Variants in GRIA1 observed in about 807,000 individuals in gnomAD.
GRIA1 encodes the protein glutamate ionotropic receptor AMPA type subunit 1.
Under a neutral mutation model 99.2 loss-of-function variants are expected in GRIA1, and 31 were observed. That is an observed-to-expected ratio of 0.31 (90% CI 0.23 to 0.42). The LOEUF is 0.42. Among genes scored for constraint, GRIA1 ranks in the 10% least tolerant of loss-of-function variants. GRIA1 has a pLI of 1.00. For synonymous variants in GRIA1, 438 were observed against 432.4 expected (o/e 1.01, Z -0.16); for missense variants, 782 against 1,157.5 (o/e 0.68, Z 4.71).
chr5:153,765,853 G>T (rs1296510767), intron 12 of GRIA1, among the ~76,000 whole-genome samples: 1 of 152,198 alleles, frequency 6.6e-6, no homozygotes, highest in Non-Finnish European at 1.5e-5. Context: ...ATAGCTCAGA[G>T]TTAGGATAGG....
chr5:153,654,809 C>T (rs1266174628), intron 4 of GRIA1, among the ~76,000 whole-genome samples: 1 of 151,984 alleles, frequency 6.6e-6, no homozygotes, highest in African/African-American at 2.4e-5. Context: ...GTACACTAAC[C>T]CCAATTTGAT....
intron 11 of GRIA1, among the ~76,000 whole-genome samples, chr5:153,737,035 G>A (rs1390031149): frequency 6.6e-6 from 1 of 152,072 alleles, no homozygotes; most frequent in African/African-American, 2.4e-5. Flanking sequence ...TAAAATATGT[G>A]GAAGAACAAA....
At chr5:153,575,699 C>T (rs1208026567) in intron 2 of GRIA1, among the ~76,000 whole-genome samples, 1 of 152,206 alleles carries the variant, frequency 6.6e-6, no homozygotes, top group Non-Finnish European at 1.5e-5. Flanking sequence ...ACCAAGTCTC[C>T]TGTGGCCTTT....
At chr5:153,612,701 C>T (rs1184436947) in intron 2 of GRIA1, among the ~76,000 whole-genome samples, 4 of 152,120 alleles carry the variant, frequency 2.6e-5, no homozygotes, top group South Asian at 4.1e-4. Flanking sequence ...TTGCATAATC[C>T]GTAAGGGACT....
At chr5:153,621,294 A>C (rs999326035) in intron 2 of GRIA1, among the ~76,000 whole-genome samples, 3 of 152,174 alleles carry the variant, frequency 2.0e-5, no homozygotes, top group Non-Finnish European at 4.4e-5. Context: ...AAACATCAGT[A>C]ACCATCTGAA....
At chr5:153,752,046 T>C (rs747759239) in intron 11 of GRIA1, among the ~76,000 whole-genome samples, 5 of 152,140 alleles carry the variant, frequency 3.3e-5, no homozygotes, top group African/African-American at 4.8e-5. Flanking sequence ...TTTTCACCCA[T>C]CATCATCATT....
At chr5:153,497,211 C>A (rs867473581) in intron 2 of GRIA1, among the ~76,000 whole-genome samples, 1 of 152,084 alleles carries the variant, frequency 6.6e-6, no homozygotes, top group African/African-American at 2.4e-5. Flanking sequence ...CTTGGGATCT[C>A]CTTTAAGCAC....
chr5:153,674,450 G>A (rs746165474), intron 5 of GRIA1, 50 bp from the exon 6 acceptor site: 9 of 1,604,806 alleles, frequency 5.6e-6, no homozygotes, highest in Middle Eastern at 3.3e-4. Context: ...AGGTTAAGTT[G>A]ATTTATCCAG....
intron 2 of GRIA1, among the ~76,000 whole-genome samples, chr5:153,600,714 C>T (rs772857018): frequency 3.9e-5 from 6 of 152,180 alleles, no homozygotes; most frequent in Non-Finnish European, 8.8e-5. Flanking sequence ...AGCAGAGACA[C>T]GTCTACCACC....
chr5:153,528,867 A>G (rs1581180046), intron 2 of GRIA1, among the ~76,000 whole-genome samples: 1 of 152,262 alleles, frequency 6.6e-6, no homozygotes, highest in East Asian at 1.9e-4. Flanking sequence ...ATCAGCTGAC[A>G]TCACTGCCCC....
At chr5:153,797,718 T>C (rs1435214177) in intron 14 of GRIA1, among the ~76,000 whole-genome samples, 1 of 152,138 alleles carries the variant, frequency 6.6e-6, no homozygotes, top group Non-Finnish European at 1.5e-5. Context: ...CTGCGGTGCA[T>C]TGTACAGCAG....
At chr5:153,697,129 T>C (rs1758168644) in intron 8 of GRIA1, among the ~76,000 whole-genome samples, 1 of 152,214 alleles carries the variant, frequency 6.6e-6, no homozygotes, top group Non-Finnish European at 1.5e-5. Context: ...AGACCATTCA[T>C]CTCTCATGAT....
chr5:153,693,188 T>A (rs1247002454), intron 8 of GRIA1, among the ~76,000 whole-genome samples: 1 of 152,124 alleles, frequency 6.6e-6, no homozygotes, highest in East Asian at 1.9e-4. Flanking sequence ...CAGATAGGAA[T>A]GAAAGAAAAT....
intron 2 of GRIA1, among the ~76,000 whole-genome samples, chr5:153,621,069 G>A (rs547331538): frequency 7.2e-5 from 11 of 152,206 alleles, no homozygotes; most frequent in African/African-American, 2.7e-4. Flanking sequence ...TAGTGGCCCT[G>A]GATTTTAAGG....
At chr5:153,753,695 G>T (rs1385233953) in intron 11 of GRIA1, among the ~76,000 whole-genome samples, 1 of 111,284 alleles carries the variant, frequency 9.0e-6, no homozygotes. Flanking sequence ...AGCCAATTCT[G>T]CAGGAAAAAA....
At chr5:153,651,211 G>A (rs1754548600) in intron 4 of GRIA1, among the ~76,000 whole-genome samples, 1 of 152,176 alleles carries the variant, frequency 6.6e-6, no homozygotes, top group African/African-American at 2.4e-5. Flanking sequence ...CATGATCCAG[G>A]GTTTGGCATC....
rs531508621 is a variant in GRIA1 at position 153,763,617 on chromosome 5, T to A, written c.1824-817T>A. Among the ~76,000 whole-genome samples the A allele has an allele frequency of 1.1e-3, 164 of 152,300 alleles. 2 individuals carry two copies. In the South Asian group the frequency reaches 0.019, roughly 18 times the overall value. On this transcript the variant is annotated intron_variant, in intron 11 of 15. Coordinates refer to ENST00000285900, the MANE Select transcript of GRIA1 (RefSeq NM_000827.4). Reference sequence around the variant, plus strand: ...CACAAGTCACATGCAAATCATCTTGTAATATCTTGGGAAGCCCTGGACTTG... The same window carrying A: ...CACAAGTCACATGCAAATCATCTTGAAATATCTTGGGAAGCCCTGGACTTG...
chr5:153,601,246 T>A (rs1483217267), intron 2 of GRIA1, among the ~76,000 whole-genome samples: 1 of 152,096 alleles, frequency 6.6e-6, no homozygotes, highest in Non-Finnish European at 1.5e-5. Context: ...CCTCAAAGAG[T>A]TTGGAATCTT....
At chr5:153,493,886 GTC>G (rs1294577403) in intron 1 of GRIA1, 40 bp from the exon 2 acceptor site, 3 of 1,610,348 alleles carry the variant, frequency 1.9e-6, no homozygotes, top group Non-Finnish European at 2.5e-6. Flanking sequence ...ACTAAAACCT[GTC>G]TCTAGCCCAT....
Sources: allele counts gnomAD v4.1 joint callset (sites outside exome capture counted in the v4.1 genomes callset), GRCh38; gene constraint gnomAD v4.1.1; transcripts MANE v1.5; gene names NCBI Gene and HGNC (gene_info 2026-07-23, HGNC 2026-07-21).